The following DNAAF10 variants were observed in gnomAD, a reference collection of about 807,000 sequenced individuals.
DNAAF10 encodes the protein WD repeat domain 92.
In DNAAF10, 28 loss-of-function variants were observed where a neutral mutation model predicts 43.7. The observed-to-expected ratio is 0.64, with a 90% CI of 0.48 to 0.88. The LOEUF (loss-of-function observed/expected upper bound fraction) is 0.88. Ranked by LOEUF, DNAAF10 falls within the 40% of genes least tolerant of loss-of-function variation. DNAAF10 has a pLI of 0.00. For synonymous variants in DNAAF10, 156 were observed against 157.3 expected, an observed-to-expected ratio of 0.99 and a Z score of 0.06; for missense variants, 403 against 439.1, an observed-to-expected ratio of 0.92 and a Z score of 0.73.
chr2:68,130,131 T>TATATATA lies in DNAAF10; in HGVS notation c.*1106_*1107insTATATAT, dbSNP rs1553397043. The stretch of plus-strand genomic sequence containing the variant: ...AGAGAGAGAGATATATATATATATA[T>TATATATA]TTGTTTTTTTTTTTTTTGAGACGGA... On this transcript the variant is annotated 3_prime_UTR_variant, in exon 8 of 8. Transcript: ENST00000295121. 2 of 131,380 alleles carry TATATATA rather than the reference T, an allele frequency of 1.5e-5. No individual in the cohort carries two copies. The highest frequency in any genetic ancestry group is 2.9e-5 in the African/African-American group (1 of 34,382). 8.1% of individuals were successfully genotyped at this position (131,380 alleles called of 1,614,324 possible).
chr2:68,145,407 T>C (rs934374401), intron 2 of DNAAF10, among the ~76,000 whole-genome samples: 1 of 152,094 alleles, frequency 6.6e-6, no homozygotes, highest in Non-Finnish European at 1.5e-5. Flanking sequence ...CCACCAAATA[T>C]GCAAAGGTTT....
chr2:68,146,526 G>T lies in DNAAF10; in HGVS notation c.284+941C>A, dbSNP rs572197390. Among the ~76,000 whole-genome samples, 16 of 152,252 alleles carry T rather than the reference G, an allele frequency of 1.1e-4. No individual in the cohort carries two copies. The South Asian group carries it at 3.3e-3, about 32-fold the overall frequency. ...TATCTAATATTTTGAATACTCTTGT[G>T]TTGAAATATATTTATTTTTTAAAAT... is the stretch of plus-strand genomic sequence containing the variant. On this transcript the variant is annotated intron_variant, in intron 2 of 7. Transcript: ENST00000295121.
chr2:68,137,493 T>C (rs542181291), intron 5 of DNAAF10, 60 bp from the exon 6 acceptor site: 4 of 1,437,512 alleles, frequency 2.8e-6, no homozygotes, highest in East Asian at 4.9e-5. Context: ...GAGGCTCTTT[T>C]ATACTAAGTA....
rs77815959 is a variant in DNAAF10 at position 68,134,829 on chromosome 2, T to G, written c.769-30A>C. 4,698 of 1,612,382 alleles carry G rather than the reference T, an allele frequency of 2.9e-3. 113 individuals carry two copies. In the African/African-American group the frequency reaches 0.051, roughly 17 times the overall value. The stretch of plus-strand genomic sequence containing the variant: ...ATAGAACAAGAGGCATACAACTGGT[T>G]TATATGCTAAATGGTGCCCTGGAAG... On this transcript the variant is annotated intron_variant, in intron 6 of 7. Coordinates refer to ENST00000295121, the MANE Select transcript of DNAAF10 (RefSeq NM_138458.4).
intron 5 of DNAAF10, among the ~76,000 whole-genome samples, chr2:68,137,866 C>CA (rs1307063343): frequency 0.025 from 2,850 of 113,006 alleles, 90 homozygotes; most frequent in African/African-American, 0.089. Flanking sequence ...GACTCTGTCT[C>CA]AAAAAAAAAA....
intron 1 of DNAAF10, among the ~76,000 whole-genome samples, chr2:68,156,528 A>C (rs544154915): frequency 2.0e-5 from 3 of 152,292 alleles, no homozygotes; most frequent in African/African-American, 7.2e-5. Context: ...TTGCAAACCT[A>C]ATCTTTCCAC....
intron 4 of DNAAF10, among the ~76,000 whole-genome samples, chr2:68,140,779 C>T (rs2103891006): frequency 6.6e-6 from 1 of 152,304 alleles, no homozygotes; most frequent in Middle Eastern, 3.4e-3. Flanking sequence ...CGTTGGCCCT[C>T]CCTATCCATG....
chr2:68,139,221 T>A (rs1250490061), intron 4 of DNAAF10, among the ~76,000 whole-genome samples: 1 of 152,018 alleles, frequency 6.6e-6, no homozygotes, highest in Non-Finnish European at 1.5e-5. Context: ...CTCTTCTAGT[T>A]CATGTGAGGT....
intron 4 of DNAAF10, among the ~76,000 whole-genome samples, chr2:68,140,170 G>A (rs1025779077): frequency 2.0e-5 from 3 of 151,858 alleles, no homozygotes; most frequent in Admixed American, 2.0e-4. Context: ...AGTGTTAAGT[G>A]AGAAGGAGGC....
intron 4 of DNAAF10, among the ~76,000 whole-genome samples, chr2:68,139,621 T>C (rs1205591141): frequency 8.8e-6 from 1 of 114,104 alleles, no homozygotes; most frequent in African/African-American, 3.3e-5. Flanking sequence ...CTGTCTCTAC[T>C]AAAAAAAAAA....
intron 7 of DNAAF10, 43 bp downstream of exon 7, chr2:68,134,659 C>T: frequency 6.3e-7 from 1 of 1,591,290 alleles, no homozygotes; most frequent in Non-Finnish European, 8.5e-7. Flanking sequence ...ACTTTACACC[C>T]ACAGGTAACT....
chr2:68,142,759 C>T (rs1265172560), intron 3 of DNAAF10, among the ~76,000 whole-genome samples: 1 of 148,626 alleles, frequency 6.7e-6, no homozygotes, highest in Admixed American at 6.7e-5. Context: ...AGGCAAGTAC[C>T]TGAGAATAAG....
At chr2:68,153,474 C>T (rs1191224760) in intron 1 of DNAAF10, among the ~76,000 whole-genome samples, 1 of 151,552 alleles carries the variant, frequency 6.6e-6, no homozygotes, top group Non-Finnish European at 1.5e-5. Flanking sequence ...CTCAATGGTT[C>T]TCAGCTCTGA....
chr2:68,157,356 T>A lies in DNAAF10; in HGVS notation c.88A>T (p.Ser30Cys). 1 of 1,614,208 alleles carries A rather than the reference T, an allele frequency of 6.2e-7. No homozygotes were observed. Among genetic ancestry groups the A allele is most frequent in the Non-Finnish European group, 8.5e-7 (1 of 1,180,042 alleles). ...TTGCCCATGGTCACAAATTTGGCGC[T>A]GCAGGGCACCCACTTACAGTCAAAC... ...TVFDCKWVPC[S>C]AKFVTMGNFA... is the part of the protein sequence containing the mutation. Residue 30 changes from serine (S) to cysteine (C), a missense_variant, in exon 1 of 8, where the codon AGC becomes TGC. By Grantham distance (112) the Ser-to-Cys change is moderately radical (BLOSUM62 -1). Transcript: ENST00000295121.
At chr2:68,142,342 C>T (rs1390824596) in intron 3 of DNAAF10, among the ~76,000 whole-genome samples, 4 of 152,128 alleles carry the variant, frequency 2.6e-5, no homozygotes, top group Non-Finnish European at 5.9e-5. Flanking sequence ...CTGCAACCTC[C>T]GCCTCCTGGG....
chr2:68,154,623 T>C (rs1051030026), intron 1 of DNAAF10, among the ~76,000 whole-genome samples: 1 of 152,356 alleles, frequency 6.6e-6, no homozygotes, highest in East Asian at 1.9e-4. Context: ...TTCTAAATGT[T>C]CTATCGTGGA....
chr2:68,138,031 C>A (rs1038505694), intron 5 of DNAAF10, among the ~76,000 whole-genome samples: 1 of 150,994 alleles, frequency 6.6e-6, no homozygotes, highest in African/African-American at 2.4e-5. Flanking sequence ...AAAAATTAGC[C>A]GGGCATGGTG....
chr2:68,131,554 T>C (rs2103879201), intron 7 of DNAAF10, 109 bp from the exon 8 acceptor site: 2 of 1,003,046 alleles, frequency 2.0e-6, no homozygotes, highest in Non-Finnish European at 1.5e-6. Flanking sequence ...CTGGGACTAA[T>C]AAATACTTAA....
At chr2:68,132,023 A>C (rs954291791) in intron 7 of DNAAF10, 3 of 153,216 alleles carry the variant, frequency 2.0e-5, no homozygotes, top group African/African-American at 7.2e-5. Flanking sequence ...TAATTGTTTC[A>C]AACAAGAAAA....
Sources: allele counts gnomAD v4.1 joint callset (sites outside exome capture counted in the v4.1 genomes callset), GRCh38; gene constraint gnomAD v4.1.1; transcripts MANE v1.5; gene names NCBI Gene and HGNC (gene_info 2026-07-23, HGNC 2026-07-21).